THSD4: variants seen among roughly 807,000 people sequenced by gnomAD.
The protein encoded by THSD4 is thrombospondin type 1 domain containing 4.
A neutral mutation model predicts 119.0 loss-of-function variants in THSD4; 69 were observed. The ratio of observed to expected loss-of-function variants is 0.58; its 90% CI spans 0.48 to 0.71. The LOEUF is 0.71. Among genes scored for constraint, THSD4 ranks in the 30% least tolerant of loss-of-function variants. THSD4 has a pLI of 0.00. For synonymous variants in THSD4, 524 were observed against 540.4 expected (o/e 0.97, Z 0.42); for missense variants, 1,393 against 1,391.1 (o/e 1.00, Z -0.02).
chr15:71,720,032 T>TC (rs1555445413), intron 8 of THSD4, among the ~76,000 whole-genome samples: 4 of 64,902 alleles, frequency 6.2e-5, no homozygotes, highest in Non-Finnish European at 1.2e-4. Context: ...CTTTTTTTTT[T>TC]TTTCTTTTTT....
At chr15:71,120,975 G>GAGA (rs1018421072) in intron 1 of THSD4, among the ~76,000 whole-genome samples, 1 of 152,216 alleles carries the variant, frequency 6.6e-6, no homozygotes, top group Admixed American at 6.5e-5. Context: ...AGTCAGGAGA[G>GAGA]AGAAGAAGAT....
intron 6 of THSD4, among the ~76,000 whole-genome samples, chr15:71,285,895 T>C (rs894004868): frequency 3.3e-5 from 5 of 151,194 alleles, no homozygotes; most frequent in African/African-American, 7.3e-5. Flanking sequence ...ATTCTAGTGA[T>C]TTTTCTTTAA....
At chr15:71,679,894 G>A (rs2051738786) in intron 8 of THSD4, among the ~76,000 whole-genome samples, 3 of 152,226 alleles carry the variant, frequency 2.0e-5, no homozygotes, top group South Asian at 4.1e-4. Context: ...ATACTGCTAT[G>A]TCAGTGGGCT....
At chr15:71,332,694 G>GTC (rs372511436) in intron 6 of THSD4, among the ~76,000 whole-genome samples, 3 of 151,490 alleles carry the variant, frequency 2.0e-5, no homozygotes, top group Non-Finnish European at 2.9e-5. Context: ...GACAGCAGAC[G>GTC]TCTCTCTCTC....
chr15:71,200,809 C>T (rs1359296893), intron 3 of THSD4, among the ~76,000 whole-genome samples: 2 of 152,114 alleles, frequency 1.3e-5, no homozygotes, highest in Non-Finnish European at 2.9e-5. Context: ...AAATACAATG[C>T]AACTCCATCC....
intron 6 of THSD4, among the ~76,000 whole-genome samples, chr15:71,335,582 G>A (rs957958752): frequency 1.1e-4 from 16 of 152,208 alleles, no homozygotes; most frequent in East Asian, 3.9e-4. Context: ...TGTCTGTCAC[G>A]GGTGCGAGAG....
chr15:71,188,562 C>G (rs925063629), intron 3 of THSD4, among the ~76,000 whole-genome samples: 2 of 152,114 alleles, frequency 1.3e-5, no homozygotes, highest in Non-Finnish European at 2.9e-5. Context: ...CCAGTGAAGA[C>G]AGAGGATCTG....
intron 1 of THSD4, among the ~76,000 whole-genome samples, chr15:71,130,464 G>A (rs1338529654): frequency 3.9e-5 from 6 of 152,130 alleles, no homozygotes; most frequent in African/African-American, 1.4e-4. Context: ...GGGATTACAG[G>A]CATGAGCCAC....
chr15:71,527,342 ACTCTT>A (rs907994639), intron 7 of THSD4, among the ~76,000 whole-genome samples: 2 of 152,154 alleles, frequency 1.3e-5, no homozygotes, highest in East Asian at 1.9e-4. Flanking sequence ...AAACACACAA[ACTCTT>A]CTCTGATGAA....
chr15:71,411,204 G>A (rs1018768072), intron 6 of THSD4, among the ~76,000 whole-genome samples: 1 of 152,288 alleles, frequency 6.6e-6, no homozygotes, highest in Middle Eastern at 3.4e-3. Context: ...TTTGCATGGC[G>A]AGTCTTTGAG....
At chr15:71,571,113 A>G (rs2049345647) in intron 7 of THSD4, among the ~76,000 whole-genome samples, 1 of 152,024 alleles carries the variant, frequency 6.6e-6, no homozygotes, top group Admixed American at 6.6e-5. Context: ...AACATGTTTC[A>G]TTGTTCCTTC....
At chr15:71,156,344 G>A (rs1237104710) in intron 3 of THSD4, among the ~76,000 whole-genome samples, 2 of 150,896 alleles carry the variant, frequency 1.3e-5, no homozygotes, top group African/African-American at 2.4e-5. Context: ...TGCAACCTCC[G>A]CCTCCTGGGT....
chr15:71,623,493 A>G (rs1294520306), intron 7 of THSD4, among the ~76,000 whole-genome samples: 2 of 152,256 alleles, frequency 1.3e-5, no homozygotes, highest in Non-Finnish European at 1.5e-5. Flanking sequence ...CCCATGCTAT[A>G]AAAGAGGAGC....
chr15:71,278,446 CG>C (rs1483969498), intron 6 of THSD4, among the ~76,000 whole-genome samples: 1 of 152,120 alleles, frequency 6.6e-6, no homozygotes, highest in African/African-American at 2.4e-5. Flanking sequence ...CAACCTGCCC[CG>C]ATACAGATTT....
intron 7 of THSD4, among the ~76,000 whole-genome samples, chr15:71,475,788 A>G (rs966360080): frequency 3.9e-5 from 6 of 152,186 alleles, no homozygotes; most frequent in Admixed American, 3.9e-4. Context: ...TTAGCTGGGC[A>G]TAGTGGTGTG....
intron 3 of THSD4, among the ~76,000 whole-genome samples, chr15:71,195,951 G>A (rs1449075565): frequency 1.3e-5 from 2 of 152,174 alleles, no homozygotes. Flanking sequence ...ACCCATTTGT[G>A]TTGCTATAAC....
rs1241187781 is a variant in THSD4, at chr15:71,781,841, G to A, written c.*4467G>A. On this transcript the variant is annotated 3_prime_UTR_variant, in exon 18 of 18. Transcript: ENST00000261862. Reference sequence around the variant, plus strand: ...GATGCTCAGGGCCGTCTCCACTCAGGGCTTAGGGGAGTCTGTGAGTAGAAG... The same window carrying A: ...GATGCTCAGGGCCGTCTCCACTCAGAGCTTAGGGGAGTCTGTGAGTAGAAG... The A allele has an allele frequency of 6.6e-6, 1 of 152,324 alleles. No homozygotes were observed. The highest frequency in any genetic ancestry group is 2.4e-5 in the African/African-American group (1 of 41,450). 9.4% of individuals were successfully genotyped at this position (152,324 alleles called of 1,614,324 possible).
At chr15:71,766,594 G>T (rs1279497843) in intron 16 of THSD4, 1 of 152,194 alleles carries the variant, frequency 6.6e-6, no homozygotes, top group Non-Finnish European at 1.5e-5. Context: ...TGGGTTGAAA[G>T]GTTTCTGGCA....
At chr15:71,459,889 C>T (rs1017707376) in intron 7 of THSD4, among the ~76,000 whole-genome samples, 2 of 151,990 alleles carry the variant, frequency 1.3e-5, no homozygotes, top group African/African-American at 2.4e-5. Context: ...GGATTGTGTT[C>T]TCTCTTAAAG....
Sources: allele counts gnomAD v4.1 joint callset (sites outside exome capture counted in the v4.1 genomes callset), GRCh38; gene constraint gnomAD v4.1.1; transcripts MANE v1.5; gene names NCBI Gene and HGNC (gene_info 2026-07-23, HGNC 2026-07-21).